Variants in TRPC4 observed in about 807,000 individuals in gnomAD.
The protein encoded by TRPC4 is transient receptor potential cation channel subfamily C member 4.
A neutral mutation model predicts 99.4 loss-of-function variants in TRPC4; 49 were observed. The ratio of observed to expected loss-of-function variants is 0.49; its 90% confidence interval spans 0.39 to 0.63. TRPC4 has a LOEUF of 0.63. TRPC4 is among the 20% of genes least tolerant of loss of function. The pLI is 0.00. For synonymous variants in TRPC4, 454 were observed against 425.9 expected, an observed-to-expected ratio of 1.07 and a Z score of -0.81; for missense variants, 898 against 1,152.9, an observed-to-expected ratio of 0.78 and a Z score of 3.20.
chr13:37,717,394 T>C (rs1954714346), intron 3 of TRPC4, among the ~76,000 whole-genome samples: 1 of 152,160 alleles, frequency 6.6e-6, no homozygotes, highest in Non-Finnish European at 1.5e-5. Flanking sequence ...CACACCAACA[T>C]GAGTTTATTA....
At chr13:37,837,272 A>G (rs949998868) in intron 1 of TRPC4, among the ~76,000 whole-genome samples, 2 of 152,214 alleles carry the variant, frequency 1.3e-5, no homozygotes, top group African/African-American at 2.4e-5. Flanking sequence ...GGCACCACCT[A>G]GTGGATCTGT....
chr13:37,798,935 T>A, intron 1 of TRPC4, among the ~76,000 whole-genome samples: 1 of 234 alleles, frequency 4.3e-3, no homozygotes, highest in Admixed American at 0.12. Flanking sequence ...GAGGTAATCT[T>A]TTTTTTTTTT....
At chr13:37,769,249 A>C (rs1263534955) in intron 2 of TRPC4, among the ~76,000 whole-genome samples, 1 of 151,462 alleles carries the variant, frequency 6.6e-6, no homozygotes, top group Non-Finnish European at 1.5e-5. Context: ...AAAGCCTCAA[A>C]TATTCACCAG....
At chr13:37,647,619 T>C (rs1951891378) in intron 8 of TRPC4, among the ~76,000 whole-genome samples, 1 of 152,174 alleles carries the variant, frequency 6.6e-6, no homozygotes, top group Non-Finnish European at 1.5e-5. Flanking sequence ...CATGAGACAA[T>C]GGGCAAAGTA....
intron 8 of TRPC4, among the ~76,000 whole-genome samples, chr13:37,644,822 CA>C (rs1429474266): frequency 3.9e-5 from 5 of 129,568 alleles, no homozygotes; most frequent in Non-Finnish European, 6.2e-5. Flanking sequence ...GTGGTGAGTG[CA>C]GATCGCGCCA....
chr13:37,638,503 A>G (rs1951605678), intron 10 of TRPC4, among the ~76,000 whole-genome samples: 1 of 152,112 alleles, frequency 6.6e-6, no homozygotes. Context: ...TCATTCTTCC[A>G]AAATCTCTAA....
At chr13:37,809,659 A>T (rs994601020) in intron 1 of TRPC4, among the ~76,000 whole-genome samples, 3 of 152,090 alleles carry the variant, frequency 2.0e-5, no homozygotes, top group African/African-American at 4.8e-5. Flanking sequence ...CCTCATTAAA[A>T]GATTAAGGTA....
intron 1 of TRPC4, among the ~76,000 whole-genome samples, chr13:37,847,090 T>C (rs936302970): frequency 2.0e-5 from 3 of 151,900 alleles, no homozygotes; most frequent in African/African-American, 7.2e-5. Flanking sequence ...AAAGATACTA[T>C]AATAATAGGG....
intron 1 of TRPC4, among the ~76,000 whole-genome samples, chr13:37,853,906 A>C (rs181281732): frequency 6.6e-6 from 1 of 152,214 alleles, no homozygotes; most frequent in Admixed American, 6.5e-5. Context: ...AATAATAAAA[A>C]AATGAAGTAT....
In TRPC4 at chr13:37,639,264, T is replaced by C; in HGVS notation, c.2115A>G (p.Gln705=). The C allele has an allele frequency of 1.2e-6, 2 of 1,613,742 alleles. No individual in the cohort carries two copies. The highest frequency in any genetic ancestry group is 2.2e-5 in the South Asian group (2 of 91,068). ...TAGTACAAGGACAACTTACTTGGTATTGGTGATGTCTTCTCAAGTTATCAG... is the reference window on the plus strand; with the variant it reads ...TAGTACAAGGACAACTTACTTGGTACTGGTGATGTCTTCTCAAGTTATCAG... ...RAADNLRRHH[Q]YQEVMRNLVK... Residue 705 remains glutamine (Q), a synonymous_variant, in exon 9 of 11, where the codon CAA becomes CAG. Coordinates refer to ENST00000379705, the MANE Select transcript of TRPC4 (RefSeq NM_016179.4).
chr13:37,815,554 A>G (rs1339560412), intron 1 of TRPC4, among the ~76,000 whole-genome samples: 8 of 151,992 alleles, frequency 5.3e-5, no homozygotes, highest in Non-Finnish European at 1.2e-4. Context: ...GATGTATTCA[A>G]TAAGAAGACC....
intron 1 of TRPC4, among the ~76,000 whole-genome samples, chr13:37,783,709 G>A (rs1427088495): frequency 6.6e-6 from 1 of 151,978 alleles, no homozygotes; most frequent in African/African-American, 2.4e-5. Flanking sequence ...TTGAGTATCA[G>A]AGGCCATATT....
chr13:37,700,812 AT>A (rs1954080800), intron 3 of TRPC4, among the ~76,000 whole-genome samples: 1 of 152,158 alleles, frequency 6.6e-6, no homozygotes, highest in Non-Finnish European at 1.5e-5. Flanking sequence ...TATAAGCAGA[AT>A]TTTTAAACTG....
chr13:37,804,259 C>T (rs372812808), intron 1 of TRPC4, among the ~76,000 whole-genome samples: 2 of 152,194 alleles, frequency 1.3e-5, no homozygotes, highest in African/African-American at 2.4e-5. Flanking sequence ...ATTTTATTCT[C>T]ACAGCTCCAG....
At chr13:37,749,013 G>A (rs1480435254) in intron 2 of TRPC4, among the ~76,000 whole-genome samples, 1 of 152,132 alleles carries the variant, frequency 6.6e-6, no homozygotes, top group Non-Finnish European at 1.5e-5. Flanking sequence ...TATAGTTGGT[G>A]AGCAGCGACT....
intron 3 of TRPC4, among the ~76,000 whole-genome samples, chr13:37,738,011 C>A (rs1330824607): frequency 1.3e-5 from 2 of 152,148 alleles, no homozygotes. Context: ...CTTCTATGTG[C>A]TGATCAACAG....
intron 1 of TRPC4, among the ~76,000 whole-genome samples, chr13:37,793,081 C>T (rs915175910): frequency 4.6e-5 from 7 of 151,930 alleles, no homozygotes; most frequent in African/African-American, 1.7e-4. Context: ...TAATAAGTGA[C>T]GTTGAGACGT....
chr13:37,665,044 T>G (rs922711618), intron 5 of TRPC4, among the ~76,000 whole-genome samples: 4 of 152,256 alleles, frequency 2.6e-5, no homozygotes, highest in African/African-American at 9.6e-5. Flanking sequence ...AGCTAATTAC[T>G]GAAGATATAA....
intron 5 of TRPC4, among the ~76,000 whole-genome samples, chr13:37,666,434 G>A (rs1460720775): frequency 6.6e-6 from 1 of 152,110 alleles, no homozygotes; most frequent in South Asian, 2.1e-4. Flanking sequence ...TCCTGTCACG[G>A]ATTAAGAGAT....
Sources: allele counts gnomAD v4.1 joint callset (sites outside exome capture counted in the v4.1 genomes callset), GRCh38; gene constraint gnomAD v4.1.1; transcripts MANE v1.5; gene names NCBI Gene and HGNC (gene_info 2026-07-23, HGNC 2026-07-21).